KLHL28: variants seen among roughly 807,000 people sequenced by gnomAD.
KLHL28 encodes the protein kelch like family member 28.
Under a neutral mutation model 48.3 loss-of-function variants are expected in KLHL28, and 22 were observed. That is an observed-to-expected ratio of 0.46 (90% CI 0.33 to 0.65). The LOEUF is 0.65. KLHL28 is among the 30% of genes least tolerant of loss of function. The pLI, the probability that KLHL28 is intolerant of heterozygous loss-of-function variation, is 0.03. For synonymous variants in KLHL28, 243 were observed against 242.4 expected (o/e 1.00, Z -0.02); for missense variants, 527 against 704.3 (o/e 0.75, Z 2.85).
chr14:44,945,540 C>A lies in KLHL28; in HGVS notation c.389G>T (p.Ser130Ile). The stretch of plus-strand genomic sequence containing the variant: ...AATACAATTACCAGGATCAAGTTGG[C>A]TTTCAAGAAATGCACAACATTCTTT... ...VLKECCAFLE[S>I]QLDPGNCIGI... Residue 130 changes from serine (S) to isoleucine (I), a missense_variant, in exon 2 of 5, where the codon AGC becomes ATC. Ser to Ile is a moderately radical substitution (Grantham distance 142). Transcript: ENST00000396128. The A allele has an allele frequency of 6.2e-7, 1 of 1,614,190 alleles. No individual in the cohort carries two copies. Among genetic ancestry groups the A allele is most frequent in the Non-Finnish European group, 8.5e-7 (1 of 1,180,024 alleles).
intron 1 of KLHL28, among the ~76,000 whole-genome samples, chr14:44,951,042 A>T (rs1364437156): frequency 6.6e-6 from 1 of 152,246 alleles, no homozygotes; most frequent in Non-Finnish European, 1.5e-5. Flanking sequence ...AGATTAGCCA[A>T]AGAGTAAACT....
rs139707349 is a variant in KLHL28 at position 44,935,890 on chromosome 14, G to GTA, written c.900-1334_900-1333dup. 1.2e-3 allele frequency among the ~76,000 whole-genome samples: 73 copies of GTA among 59,130 alleles called. 14 individuals are homozygous for GTA. Among genetic ancestry groups the GTA allele is most frequent in the Admixed American group, 2.3e-3 (9 of 3,952 alleles). The allele number at this position is 59,130 out of a possible 152,430, so 38.8% of individuals were successfully genotyped here. A position where few individuals can be genotyped will look rare whatever the true frequency, so the allele number is the denominator to read the frequency against. ...TATGTGTATGTATATATATATGTGTGTATATATATATATCTTTACCCTCCC... is the reference window on the plus strand; with the variant it reads ...TATGTGTATGTATATATATATGTGTGTATATATATATATATCTTTACCCTCCC... On this transcript the variant is annotated intron_variant, in intron 2 of 4. Coordinates refer to ENST00000396128, the MANE Select transcript of KLHL28 (RefSeq NM_017658.5).
At chr14:44,954,848 T>C (rs1050174133) in intron 1 of KLHL28, among the ~76,000 whole-genome samples, 2 of 152,134 alleles carry the variant, frequency 1.3e-5, no homozygotes, top group Non-Finnish European at 2.9e-5. Flanking sequence ...AATTTGAAAA[T>C]TGAAAATACA....
intron 4 of KLHL28, among the ~76,000 whole-genome samples, chr14:44,930,647 T>G (rs1883545323): frequency 6.6e-6 from 1 of 152,204 alleles, no homozygotes; most frequent in South Asian, 2.1e-4. Flanking sequence ...ATTTTTGAAC[T>G]TGGCATGATC....
intron 2 of KLHL28, among the ~76,000 whole-genome samples, chr14:44,940,614 A>C (rs542963038): frequency 6.6e-6 from 1 of 152,086 alleles, no homozygotes; most frequent in Non-Finnish European, 1.5e-5. Context: ...AAAAAAACTA[A>C]AGCCATTGGA....
intron 4 of KLHL28, among the ~76,000 whole-genome samples, chr14:44,930,204 C>G (rs1279180917): frequency 6.6e-6 from 1 of 152,164 alleles, no homozygotes; most frequent in Non-Finnish European, 1.5e-5. Context: ...GTTTCTCTTG[C>G]ATGTTTGTTT....
chr14:44,944,714 G>A (rs1323055608), intron 2 of KLHL28, among the ~76,000 whole-genome samples: 1 of 151,960 alleles, frequency 6.6e-6, no homozygotes, highest in African/African-American at 2.4e-5. Context: ...GATGTGGTCT[G>A]ACTCAAATAA....
chr14:44,946,363 T>C (rs1884336013), intron 1 of KLHL28, among the ~76,000 whole-genome samples: 1 of 152,196 alleles, frequency 6.6e-6, no homozygotes, highest in African/African-American at 2.4e-5. Flanking sequence ...ACAGATGCTT[T>C]AATTGGGCAG....
Position 44,928,104 on chromosome 14 carries a change from C to T in KLHL28, c.*924G>A, listed in dbSNP as rs893936322. 1.3e-5 allele frequency: 2 copies of T among 152,428 alleles called. No individual in the cohort carries two copies. 9.4% of individuals were successfully genotyped at this position (152,428 alleles called of 1,614,324 possible). A position where few individuals can be genotyped will look rare whatever the true frequency, so the allele number is the denominator to read the frequency against. On this transcript the variant is annotated 3_prime_UTR_variant, in exon 5 of 5. Transcript: ENST00000396128. ...CTTGTTATAAATCCTACAGTTAGCA[C>T]CATTTTATATCTGAACACTTTGAAA...
At chr14:44,956,190 G>C (rs897798151) in intron 1 of KLHL28, among the ~76,000 whole-genome samples, 6 of 152,210 alleles carry the variant, frequency 3.9e-5, no homozygotes, top group Non-Finnish European at 8.8e-5. Flanking sequence ...CAATCTCCTG[G>C]TCTTAAGCGA....
chr14:44,961,429 G>A (rs562026484), intron 1 of KLHL28, among the ~76,000 whole-genome samples: 38 of 152,146 alleles, frequency 2.5e-4, no homozygotes, highest in African/African-American at 8.9e-4. Context: ...TATTATGTAC[G>A]TTGTAAAGAA....
At chr14:44,960,938 T>C (rs1261377932) in intron 1 of KLHL28, 1 of 1,523,890 alleles carries the variant, frequency 6.6e-7, no homozygotes, top group East Asian at 2.5e-5. Flanking sequence ...TAAATTTGGG[T>C]CTTCAAATGA....
chr14:44,932,098 C>A (rs991790884), intron 3 of KLHL28, among the ~76,000 whole-genome samples: 1 of 151,350 alleles, frequency 6.6e-6, no homozygotes, highest in Non-Finnish European at 1.5e-5. Flanking sequence ...TCAGAGCTCA[C>A]TGCAGCCTCA....
rs753512662 is a variant in KLHL28, at chr14:44,934,451, A to G, written c.1007T>C (p.Ile336Thr). 4.3e-6 allele frequency: 7 copies of G among 1,614,032 alleles called. No individual in the cohort carries two copies. Among genetic ancestry groups the G allele is most frequent in the East Asian group, 2.2e-5 (1 of 44,896 alleles). Residue 336 changes from isoleucine (I) to threonine (T), a missense_variant, in exon 3 of 5, where the codon ATA (isoleucine) becomes ACA (threonine). Physicochemically the swap from Ile to Thr is moderately conservative, Grantham distance 89. Transcript: ENST00000396128. ...ACGCACATTAGTTGCAATACCACCT[A>G]TAACATATACTTTTTGGTCTAAAAC... Reference protein sequence around the residue: ...ICVLDQKVYVIGGIATNVRPG... With the variant: ...ICVLDQKVYVTGGIATNVRPG...
intron 2 of KLHL28, among the ~76,000 whole-genome samples, chr14:44,939,196 C>T (rs1359960486): frequency 1.3e-5 from 2 of 152,148 alleles, no homozygotes; most frequent in African/African-American, 4.8e-5. Flanking sequence ...CCCAAGGTGG[C>T]CATGGGCAGT....
chr14:44,951,024 T>C (rs1159766532), intron 1 of KLHL28, among the ~76,000 whole-genome samples: 2 of 152,208 alleles, frequency 1.3e-5, no homozygotes, highest in Non-Finnish European at 2.9e-5. Context: ...ACTTACAGAT[T>C]GAAAAGAAGA....
chr14:44,958,075 CTT>C (rs781136933), intron 1 of KLHL28, among the ~76,000 whole-genome samples: 22 of 126,794 alleles, frequency 1.7e-4, no homozygotes, highest in Admixed American at 1.6e-4. Context: ...AGTTTTTGTT[CTT>C]TTTTTTTTTT....
At chr14:44,950,282 C>G (rs1274587599) in intron 1 of KLHL28, among the ~76,000 whole-genome samples, 1 of 152,000 alleles carries the variant, frequency 6.6e-6, no homozygotes, top group Non-Finnish European at 1.5e-5. Flanking sequence ...TGTTGCACTA[C>G]CTCTCACTAT....
chr14:44,933,093 T>C (rs1310265890), intron 3 of KLHL28, among the ~76,000 whole-genome samples: 1 of 152,216 alleles, frequency 6.6e-6, no homozygotes, highest in African/African-American at 2.4e-5. Context: ...TCTAGATTAC[T>C]TATAATACTA....
Sources: allele counts gnomAD v4.1 joint callset (sites outside exome capture counted in the v4.1 genomes callset), GRCh38; gene constraint gnomAD v4.1.1; transcripts MANE v1.5; gene names NCBI Gene and HGNC (gene_info 2026-07-23, HGNC 2026-07-21).